Variants in CSMD2 observed in about 807,000 individuals in gnomAD.
CSMD2 encodes CUB and sushi domain-containing protein 2.
CSMD2 carries 130 observed loss-of-function variants against 398.5 expected under a neutral mutation model. The observed-to-expected ratio is 0.33, with a 90% CI of 0.28 to 0.38. The LOEUF (loss-of-function observed/expected upper bound fraction) is 0.38, where lower values mean the gene tolerates loss of function less well. CSMD2 is among the 10% of genes least tolerant of loss of function. The pLI, the probability that CSMD2 is intolerant of heterozygous loss-of-function variation, is 1.00. For missense variants in CSMD2, 3,829 were observed against 4,764.9 expected (o/e 0.80, Z 5.78); for synonymous variants, 1,828 against 1,908.5 (o/e 0.96, Z 1.10).
intron 1 of CSMD2, among the ~76,000 whole-genome samples, chr1:34,110,271 T>C (rs751085427): frequency 1.3e-5 from 2 of 152,240 alleles, no homozygotes; most frequent in African/African-American, 4.8e-5. Flanking sequence ...TCAACCATTG[T>C]AGAAAGCAGT....
intron 13 of CSMD2, 76 bp downstream of exon 13, chr1:33,772,493 G>A (rs1651410699): frequency 2.1e-6 from 3 of 1,415,728 alleles, no homozygotes; most frequent in East Asian, 4.6e-5. Flanking sequence ...CAGGGACGGG[G>A]CCCCTGGATT....
At chr1:34,058,135 G>A (rs1230515093) in intron 2 of CSMD2, among the ~76,000 whole-genome samples, 3 of 152,110 alleles carry the variant, frequency 2.0e-5, no homozygotes, top group Non-Finnish European at 2.9e-5. Context: ...TTGTGAGCTG[G>A]GAGAAACAGG....
chr1:34,018,179 C>A (rs12024759), intron 3 of CSMD2, among the ~76,000 whole-genome samples: 1 of 152,052 alleles, frequency 6.6e-6, no homozygotes, highest in African/African-American at 2.4e-5. Flanking sequence ...GGTTTTTTCA[C>A]AGAAAATAAT....
At chr1:34,139,333 C>T (rs914345201) in intron 1 of CSMD2, among the ~76,000 whole-genome samples, 13 of 152,298 alleles carry the variant, frequency 8.5e-5, no homozygotes, top group African/African-American at 3.1e-4. Context: ...CCATGTGATG[C>T]CCTGTGCCAC....
chr1:33,586,622 C>A lies in CSMD2; in HGVS notation c.6938-5G>T. The A allele has an allele frequency of 6.3e-7, 1 of 1,581,058 alleles. No homozygotes were observed. The highest frequency in any genetic ancestry group is 1.1e-5 in the South Asian group (1 of 90,290). On this transcript the variant is annotated splice_polypyrimidine_tract_variant and splice_region_variant and intron_variant, in intron 45 of 70. Coordinates refer to ENST00000373381, the MANE Select transcript of CSMD2 (RefSeq NM_001281956.2). Reference sequence around the variant, plus strand: ...ATCTGTAGCGTACGATGTCACCTGTCAAAGAAAGACCAACATGTAGACCCT... The same window carrying A: ...ATCTGTAGCGTACGATGTCACCTGTAAAAGAAAGACCAACATGTAGACCCT...
intron 55 of CSMD2, among the ~76,000 whole-genome samples, chr1:33,552,579 T>C (rs75351933): frequency 0.011 from 1,726 of 152,342 alleles, 43 homozygotes; most frequent in African/African-American, 0.039. Context: ...ATGTGGTATA[T>C]TCATACCATG....
chr1:33,952,016 G>C (rs1389091408), intron 3 of CSMD2, among the ~76,000 whole-genome samples: 21 of 152,184 alleles, frequency 1.4e-4, no homozygotes, highest in Admixed American at 1.4e-3. Flanking sequence ...CCTCCGTGGA[G>C]CCAAGTGGTC....
At chr1:33,896,405 G>A (rs1642390009) in intron 5 of CSMD2, among the ~76,000 whole-genome samples, 1 of 152,272 alleles carries the variant, frequency 6.6e-6, no homozygotes, top group South Asian at 2.1e-4. Context: ...ATCACCTGGT[G>A]AGGTCACACC....
chr1:34,087,101 GA>G (rs1657969969), intron 2 of CSMD2, among the ~76,000 whole-genome samples: 1 of 152,070 alleles, frequency 6.6e-6, no homozygotes, highest in Non-Finnish European at 1.5e-5. Flanking sequence ...GCCACAGCAA[GA>G]CCATCCTCCA....
chr1:34,123,815 A>C (rs887169772), intron 1 of CSMD2, among the ~76,000 whole-genome samples: 10 of 152,146 alleles, frequency 6.6e-5, no homozygotes, highest in African/African-American at 9.7e-5. Flanking sequence ...CAGGAAAAAA[A>C]AACAACAACA....
At chr1:33,801,062 G>A (rs1171057468) in intron 10 of CSMD2, among the ~76,000 whole-genome samples, 1 of 152,122 alleles carries the variant, frequency 6.6e-6, no homozygotes, top group East Asian at 1.9e-4. Flanking sequence ...AGTTCTTCAG[G>A]TCTACAAAGG....
chr1:33,626,553 A>T lies in CSMD2; in HGVS notation c.5229T>A (p.Asn1743Lys). 1.2e-6 allele frequency: 2 copies of T among 1,606,274 alleles called. No individual in the cohort carries two copies. Among genetic ancestry groups the T allele is most frequent in the Non-Finnish European group, 8.5e-7 (1 of 1,176,910 alleles). ...TGESLPLATS[N>K]QVLIKFSAKG... The stretch of plus-strand genomic sequence containing the variant: ...TGGCGCTGAACTTAATGAGAACTTG[A>T]TTGGAGGTGGCCAAGGGCAGTGATT... Residue 1743 changes from asparagine to lysine, a missense_variant, in exon 33 of 71, where the codon AAT (asparagine) becomes AAA (lysine). This residue lies in a region of CSMD2 where 2,001 missense variants were observed against 2,567.1 expected (regional missense o/e 0.78). Coordinates refer to ENST00000373381, the MANE Select transcript of CSMD2 (RefSeq NM_001281956.2).
At chr1:33,607,312 G>C (rs1367615011) in intron 41 of CSMD2, among the ~76,000 whole-genome samples, 1 of 152,192 alleles carries the variant, frequency 6.6e-6, no homozygotes, top group Non-Finnish European at 1.5e-5. Context: ...GAAGTGCAGA[G>C]TATCAGTTGG....
chr1:33,867,774 G>A (rs1214837787), intron 5 of CSMD2, among the ~76,000 whole-genome samples: 1 of 151,894 alleles, frequency 6.6e-6, no homozygotes, highest in Non-Finnish European at 1.5e-5. Flanking sequence ...AGTAGTTCCA[G>A]TTGGGTTGTC....
intron 19 of CSMD2, 80 bp from the exon 20 acceptor site, chr1:33,716,581 C>T: frequency 9.9e-7 from 1 of 1,010,778 alleles, no homozygotes; most frequent in Non-Finnish European, 1.5e-6. Context: ...TCTACACAAA[C>T]ATTTCCAGTT....
intron 1 of CSMD2, among the ~76,000 whole-genome samples, chr1:34,114,868 T>C (rs1025133370): frequency 6.6e-5 from 10 of 152,076 alleles, no homozygotes; most frequent in African/African-American, 2.4e-4. Flanking sequence ...AAATGATGCA[T>C]GAACAAAATG....
chr1:33,533,290 G>C lies in CSMD2; in HGVS notation c.9992-61C>G, dbSNP rs1216552090. The C allele has an allele frequency of 2.1e-6, 3 of 1,447,458 alleles. No individual in the cohort carries two copies. Among genetic ancestry groups the C allele is most frequent in the Non-Finnish European group, 2.9e-6 (3 of 1,044,756 alleles). The allele number at this position is 1,447,458 out of a possible 1,614,324, so 89.7% of individuals were successfully genotyped here. On this transcript the variant is annotated intron_variant, in intron 63 of 70. Coordinates refer to ENST00000373381, the MANE Select transcript of CSMD2 (RefSeq NM_001281956.2). The surrounding 1 kb of genome is among the most constrained non-coding windows in gnomAD (Gnocchi z 4.2). The stretch of plus-strand genomic sequence containing the variant: ...GATTAGGGGCTTCAGGGGCCCTTTC[G>C]ACCATTCCCCTGTTCCTAGATAGAA...
intron 6 of CSMD2, among the ~76,000 whole-genome samples, chr1:33,843,035 T>C (rs1174235313): frequency 2.0e-5 from 3 of 152,204 alleles, no homozygotes; most frequent in Non-Finnish European, 4.4e-5. Context: ...GCAAAACTAA[T>C]TGCCCTTTTA....
At chr1:33,847,607 T>C (rs1331291227) in intron 5 of CSMD2, among the ~76,000 whole-genome samples, 1 of 152,110 alleles carries the variant, frequency 6.6e-6, no homozygotes, top group East Asian at 1.9e-4. Flanking sequence ...GCTTAATAAA[T>C]ATAATTTTCC....
Sources: gnomAD v4.1 joint callset for allele counts (sites outside exome capture counted in the v4.1 genomes callset) on GRCh38, gnomAD v4.1.1 for gene constraint, gnomAD v4.1.1 regional missense constraint, Gnocchi (gnomAD v3.1) non-coding constraint, MANE v1.5 for transcripts, NCBI Gene and HGNC (gene_info 2026-07-23, HGNC 2026-07-21) for gene names.